GBF1: variants seen among roughly 807,000 people sequenced by gnomAD.
GBF1 encodes the protein Golgi-specific brefeldin A-resistance guanine nucleotide exchange factor 1.
In GBF1, 114 loss-of-function variants were observed where a neutral mutation model predicts 210.5. The observed-to-expected ratio is 0.54, with a 90% CI of 0.47 to 0.63. The LOEUF is 0.63. GBF1 is among the 30% of genes least tolerant of loss of function. GBF1 has a pLI of 0.00. For missense variants in GBF1, 1,851 were observed against 2,357.7 expected, an observed-to-expected ratio of 0.79 and a Z score of 4.45; for synonymous variants, 850 against 889.2, an observed-to-expected ratio of 0.96 and a Z score of 0.78.
chr10:102,381,009 C>T, intron 38 of GBF1, 118 bp from the exon 39 acceptor site: 1 of 1,024,670 alleles, frequency 9.8e-7, no homozygotes, highest in Non-Finnish European at 1.4e-6. Context: ...AAAAAAAGTC[C>T]CCAAAGCTGA....
Position 102,271,461 on chromosome 10 carries a change from A to G in GBF1, c.163+11345A>G, listed in dbSNP as rs868635448. On this transcript the variant is annotated intron_variant, in intron 3 of 39. Coordinates refer to ENST00000369983, the MANE Select transcript of GBF1 (RefSeq NM_001377137.1). Reference sequence around the variant, plus strand: ...AACCTCCCAAAATTGTTGAGATTACAGGTGTGAGCCACTGCACCTGGCCCT... The same window carrying G: ...AACCTCCCAAAATTGTTGAGATTACGGGTGTGAGCCACTGCACCTGGCCCT... 4.3e-3 allele frequency among the ~76,000 whole-genome samples: 649 copies of G among 151,610 alleles called. 1 individual carries two copies. Among genetic ancestry groups the G allele is most frequent in the African/African-American group, 0.015 (602 of 41,314 alleles).
Position 102,380,239 on chromosome 10 carries a change from T to G in GBF1, c.4879-10T>G, listed in dbSNP as rs1589840277. The G allele has an allele frequency of 6.3e-7, 1 of 1,589,222 alleles. No homozygotes were observed. Among genetic ancestry groups the G allele is most frequent in the Non-Finnish European group, 8.6e-7 (1 of 1,157,300 alleles). ...AGTCCCCTCAGCTGAAGGGGGCTGG[T>G]GGGCCATAGGTCTTCCTGCAGCACC... On this transcript the variant is annotated splice_polypyrimidine_tract_variant and intron_variant, in intron 36 of 39. Coordinates refer to ENST00000369983, the MANE Select transcript of GBF1 (RefSeq NM_001377137.1).
chr10:102,378,607 A>T (rs1189182115), intron 33 of GBF1, among the ~76,000 whole-genome samples: 1 of 152,138 alleles, frequency 6.6e-6, no homozygotes, highest in Admixed American at 6.6e-5. Flanking sequence ...CATGCACTCC[A>T]GTTTTGCACA....
chr10:102,344,752 T>C (rs928395785), intron 4 of GBF1, among the ~76,000 whole-genome samples: 1 of 152,122 alleles, frequency 6.6e-6, no homozygotes, highest in African/African-American at 2.4e-5. Flanking sequence ...AGTGCTGGGA[T>C]TACAGGTGTG....
At chr10:102,353,110 C>T (rs977282703) in intron 7 of GBF1, among the ~76,000 whole-genome samples, 2 of 152,152 alleles carry the variant, frequency 1.3e-5, no homozygotes, top group Admixed American at 1.3e-4. Flanking sequence ...TCTTTTTGCT[C>T]TCAAATCTAT....
intron 3 of GBF1, among the ~76,000 whole-genome samples, chr10:102,317,534 G>A (rs1432715304): frequency 1.3e-5 from 2 of 152,110 alleles, no homozygotes; most frequent in Admixed American, 6.5e-5. Context: ...CAGGAGAATC[G>A]CTTGAACCCA....
intron 3 of GBF1, among the ~76,000 whole-genome samples, chr10:102,341,205 G>A (rs550318527): frequency 6.6e-6 from 1 of 152,260 alleles, no homozygotes; most frequent in African/African-American, 2.4e-5. Flanking sequence ...ATGAAAAGAT[G>A]TTCAACATAA....
At chr10:102,230,961 G>A in the GBF1 span, 1 of 1,608,190 alleles carries the variant, frequency 6.2e-7, no homozygotes, top group Non-Finnish European at 8.5e-7. Context: ...GCGGCCAGTT[G>A]CCGTACGAGT....
chr10:102,254,459 T>A (rs2072049983), intron 1 of GBF1, among the ~76,000 whole-genome samples: 1 of 152,244 alleles, frequency 6.6e-6, no homozygotes, highest in African/African-American at 2.4e-5. Context: ...TGAGATATAT[T>A]TTTGGTATTC....
chr10:102,286,835 C>A (rs1177694241), intron 3 of GBF1, among the ~76,000 whole-genome samples: 2 of 151,262 alleles, frequency 1.3e-5, no homozygotes, highest in Non-Finnish European at 3.0e-5. Flanking sequence ...TCAACTTTAA[C>A]CCCTTGACTG....
At chr10:102,261,549 A>G (rs982810491) in intron 3 of GBF1, among the ~76,000 whole-genome samples, 1 of 151,078 alleles carries the variant, frequency 6.6e-6, no homozygotes, top group Non-Finnish European at 1.5e-5. Flanking sequence ...GAAAAAATCT[A>G]TTTTACTTTC....
chr10:102,323,997 C>T (rs1220332479), intron 3 of GBF1, among the ~76,000 whole-genome samples: 1 of 152,112 alleles, frequency 6.6e-6, no homozygotes, highest in Non-Finnish European at 1.5e-5. Context: ...CCAACCCCTT[C>T]CCTCATTATG....
At position 102,379,292 on chromosome 10, in the gene GBF1, C is replaced by T. The variant is rs557245974; in HGVS notation, c.4503C>T (p.Asp1501=). Residue 1501 remains aspartate, a synonymous_variant, in exon 34 of 40, where the codon GAC becomes GAT. Coordinates refer to ENST00000369983, the MANE Select transcript of GBF1 (RefSeq NM_001377137.1). ...CCCTCCTGTGATCCTAGTTGCTAGA[C>T]CTGATGCACACCCTGCACACGCGGG... ...VSLQVSQDLL[D]LMHTLHTRAA... 8 of 1,613,114 alleles carry T rather than the reference C, an allele frequency of 5.0e-6. No homozygotes were observed. The highest frequency in any genetic ancestry group is 6.8e-6 in the Non-Finnish European group (8 of 1,179,796).
rs1230244235 is a variant in GBF1 at position 102,376,632 on chromosome 10, T to A, written c.4120T>A (p.Tyr1374Asn). 1 of 1,613,832 alleles carries A rather than the reference T, an allele frequency of 6.2e-7. No individual in the cohort carries two copies. Among genetic ancestry groups the A allele is most frequent in the East Asian group, 2.2e-5 (1 of 44,886 alleles). Residue 1374 changes from tyrosine to asparagine, a missense_variant, in exon 32 of 40, where the codon TAC becomes AAC. Transcript: ENST00000369983. ...RPGPSPLINQ[Y>N]SLTVGLDLGP... Reference sequence around the variant, plus strand: ...AGGCCCTTCACCCCTGATCAATCAATACAGCCTAACAGTGGGACTGGATTT... The same window carrying A: ...AGGCCCTTCACCCCTGATCAATCAAAACAGCCTAACAGTGGGACTGGATTT...
chr10:102,330,220 A>G (rs1263438586), intron 3 of GBF1, among the ~76,000 whole-genome samples: 2 of 152,174 alleles, frequency 1.3e-5, no homozygotes, highest in Admixed American at 6.5e-5. Flanking sequence ...TGGAGTCACA[A>G]TAGACCTGGA....
At chr10:102,351,622 A>G (rs1433007673) in intron 5 of GBF1, among the ~76,000 whole-genome samples, 1 of 152,162 alleles carries the variant, frequency 6.6e-6, no homozygotes, top group African/African-American at 2.4e-5. Context: ...GGCCGACTGT[A>G]TTTGTGCCGT....
At chr10:102,344,543 T>C (rs1448373969) in intron 4 of GBF1, among the ~76,000 whole-genome samples, 1 of 151,736 alleles carries the variant, frequency 6.6e-6, no homozygotes. Context: ...TGCAGTGGTG[T>C]GATCTCGGCT....
chr10:102,356,426 G>A (rs991595734), intron 8 of GBF1, among the ~76,000 whole-genome samples: 2 of 152,182 alleles, frequency 1.3e-5, no homozygotes, highest in Admixed American at 6.5e-5. Context: ...GAATGACTTT[G>A]TAGAGGGACT....
Position 102,302,111 on chromosome 10 carries a change from A to C in GBF1, c.164-41940A>C, listed in dbSNP as rs569578466. On this transcript the variant is annotated intron_variant, in intron 3 of 39. Coordinates refer to ENST00000369983, the MANE Select transcript of GBF1 (RefSeq NM_001377137.1). ...AACCCCGTCTCCACCAAAAAAATAGAAAAACCAGTCAGGCGTGGCGGCGCG... is the reference window on the plus strand; with the variant it reads ...AACCCCGTCTCCACCAAAAAAATAGCAAAACCAGTCAGGCGTGGCGGCGCG... Among the ~76,000 whole-genome samples the C allele has an allele frequency of 2.6e-4, 39 of 152,230 alleles. 1 individual carries two copies. The highest frequency in any genetic ancestry group is 2.4e-3 in the Admixed American group (37 of 15,296).
Sources: allele counts gnomAD v4.1 joint callset (sites outside exome capture counted in the v4.1 genomes callset), GRCh38; gene constraint gnomAD v4.1.1; transcripts MANE v1.5; gene names NCBI Gene and HGNC (gene_info 2026-07-23, HGNC 2026-07-21).